KANK4: variants seen among roughly 807,000 people sequenced by gnomAD.
KANK4 encodes the protein KN motif and ankyrin repeat domains 4.
In KANK4, 50 loss-of-function variants were observed where a neutral mutation model predicts 80.8. The ratio of observed to expected loss-of-function variants is 0.62; its 90% CI spans 0.49 to 0.78. The LOEUF is 0.78. Among genes scored for constraint, KANK4 ranks in the 30% least tolerant of loss-of-function variants. The probability of loss-of-function intolerance (pLI) is 0.00; values close to 1 mark genes in which losing one functional copy is unlikely to be tolerated. For missense variants in KANK4, 1,196 were observed against 1,240.1 expected, an observed-to-expected ratio of 0.96 and a Z score of 0.53; for synonymous variants, 465 against 506.9, an observed-to-expected ratio of 0.92 and a Z score of 1.11.
chr1:62,301,180 G>A (rs548961152), intron 1 of KANK4, among the ~76,000 whole-genome samples: 6 of 152,128 alleles, frequency 3.9e-5, no homozygotes, highest in South Asian at 4.1e-4. Flanking sequence ...ACAGACTTAC[G>A]GAGCACAAGA....
Position 62,281,612 on chromosome 1 carries a change from G to A in KANK4, c.-48C>T. On this transcript the variant is annotated 5_prime_UTR_variant, in exon 2 of 10. Transcript: ENST00000371153. Reference sequence around the variant, plus strand: ...GTCTCAGGCACTCTTCATCCAATGAGTCTGTAAAACTTGTTGAAGGTTCTG... The same window carrying A: ...GTCTCAGGCACTCTTCATCCAATGAATCTGTAAAACTTGTTGAAGGTTCTG... 3.7e-6 allele frequency: 6 copies of A among 1,611,714 alleles called. No individual in the cohort carries two copies. The highest frequency in any genetic ancestry group is 5.1e-6 in the Non-Finnish European group (6 of 1,177,778).
At chr1:62,289,580 A>C (rs1051064701) in intron 1 of KANK4, among the ~76,000 whole-genome samples, 5 of 152,304 alleles carry the variant, frequency 3.3e-5, no homozygotes, top group Admixed American at 3.3e-4. Flanking sequence ...CAGTTTGTGC[A>C]TGTGCATAGG....
intron 2 of KANK4, 131 bp downstream of exon 2, chr1:62,281,418 C>A: frequency 9.2e-7 from 1 of 1,087,440 alleles, no homozygotes; most frequent in Non-Finnish European, 1.4e-6. Context: ...ATGCTTGAGC[C>A]TACCAGCACT....
At chr1:62,283,539 T>C (rs774550814) in intron 1 of KANK4, among the ~76,000 whole-genome samples, 21 of 152,198 alleles carry the variant, frequency 1.4e-4, no homozygotes, top group Admixed American at 3.9e-4. Context: ...TCCCTGACAC[T>C]ATGACTGATC....
At chr1:62,275,781 G>A (rs980367335) in intron 2 of KANK4, among the ~76,000 whole-genome samples, 6 of 140,602 alleles carry the variant, frequency 4.3e-5, no homozygotes, top group African/African-American at 1.6e-4. Flanking sequence ...CCCATGCCAA[G>A]TAAGGAAATA....
At chr1:62,260,010 C>G (rs562313699) in intron 7 of KANK4, among the ~76,000 whole-genome samples, 3 of 152,108 alleles carry the variant, frequency 2.0e-5, no homozygotes, top group African/African-American at 4.8e-5. Context: ...GTTAACTACC[C>G]CTTTCCAGTC....
At chr1:62,267,776 C>A (rs112203451) in intron 5 of KANK4, among the ~76,000 whole-genome samples, 34,077 of 145,622 alleles carry the variant, frequency 0.23, 4,631 homozygotes, top group Non-Finnish European at 0.31. Context: ...CACTCCAGCC[C>A]GGGTGACAGT....
rs541143733 is a variant in KANK4, at chr1:62,251,350, C to G, written c.2682+1717G>C. ...TCTGCCAGCATCCACAAAACTGTAG[C>G]AGGCTACCTTGTTAGCTTTAACGTG... On this transcript the variant is annotated intron_variant, in intron 8 of 9. Transcript: ENST00000371153. Among the ~76,000 whole-genome samples, 7 of 152,320 alleles carry G rather than the reference C, an allele frequency of 4.6e-5. No individual in the cohort carries two copies. In the South Asian group the frequency reaches 1.2e-3, roughly 27 times the overall value.
chr1:62,272,551 C>G (rs774640830), intron 3 of KANK4: 4 of 152,254 alleles, frequency 2.6e-5, no homozygotes, highest in Admixed American at 1.3e-4. Flanking sequence ...ACAGCCCCCT[C>G]TGGGTGGATG....
chr1:62,269,794 A>G (rs965645325), intron 4 of KANK4, among the ~76,000 whole-genome samples: 2 of 152,228 alleles, frequency 1.3e-5, no homozygotes, highest in African/African-American at 4.8e-5. Flanking sequence ...AATTTAAAAA[A>G]AAAGAGCCAT....
chr1:62,312,913 C>G (rs765693008), intron 1 of KANK4, among the ~76,000 whole-genome samples: 3 of 152,220 alleles, frequency 2.0e-5, no homozygotes, highest in Non-Finnish European at 4.4e-5. Context: ...TCCACGGTAT[C>G]AACTGCCTCA....
intron 1 of KANK4, among the ~76,000 whole-genome samples, chr1:62,307,990 C>T (rs975128626): frequency 2.0e-5 from 3 of 152,118 alleles, no homozygotes; most frequent in Non-Finnish European, 2.9e-5. Flanking sequence ...TCACACCTCA[C>T]CCCCTGCCTT....
At chr1:62,241,706 C>CA (rs1671345944) in intron 9 of KANK4, among the ~76,000 whole-genome samples, 1 of 152,162 alleles carries the variant, frequency 6.6e-6, no homozygotes, top group African/African-American at 2.4e-5. Context: ...TGGAACAAAA[C>CA]AAAGATTTTA....
In KANK4 at chr1:62,274,878, G is replaced by A. The variant is rs761523759; in HGVS notation, c.226C>T (p.Pro76Ser). ...FSTLPRNFSL[P>S]DSGARPPAAP... ...GCAGGGGGGCGAGCCCCACTGTCAG[G>A]AAGGCTGAAGTTTCGGGGCAGAGTG... Residue 76 changes from proline (P) to serine (S), a missense_variant, in exon 3 of 10, where the codon CCT (proline) becomes TCT (serine). Coordinates refer to ENST00000371153, the MANE Select transcript of KANK4 (RefSeq NM_181712.5). 5 of 1,614,180 alleles carry A rather than the reference G, an allele frequency of 3.1e-6. No homozygotes were observed. In the Admixed American group the frequency reaches 6.7e-5, roughly 22 times the overall value.
rs983991411 is a variant in KANK4 at position 62,274,561 on chromosome 1, G to C, written c.543C>G (p.Ser181Arg). The C allele has an allele frequency of 6.2e-7, 1 of 1,614,010 alleles. No individual in the cohort carries two copies. The highest frequency in any genetic ancestry group is 8.5e-7 in the Non-Finnish European group (1 of 1,179,906). Residue 181 changes from serine (S) to arginine (R), a missense_variant, in exon 3 of 10, where the codon AGC becomes AGG. Ser to Arg is a moderately radical substitution (Grantham distance 110, BLOSUM62 -1). Transcript: ENST00000371153. ...HSRASEEPGL[S>R]LGPPAPPALP... ...GGGCAGGAGGGGCAGGGGGCCCCAG[G>C]CTCAGGCCTGGCTCCTCAGAAGCCC...
chr1:62,252,256 T>C (rs751893365), intron 8 of KANK4, among the ~76,000 whole-genome samples: 1 of 152,234 alleles, frequency 6.6e-6, no homozygotes, highest in Non-Finnish European at 1.5e-5. Flanking sequence ...CCACGTGTCC[T>C]GAATCTCTGG....
chr1:62,262,152 A>G (rs1557478964), intron 7 of KANK4, among the ~76,000 whole-genome samples: 1 of 152,236 alleles, frequency 6.6e-6, no homozygotes, highest in East Asian at 1.9e-4. Flanking sequence ...TCTTCTGAAG[A>G]TGGGAAAATG....
Position 62,236,803 on chromosome 1 carries a change from T to A in KANK4, c.*1474A>T, listed in dbSNP as rs1034188478. ...TAGAGACGGGGTTTCTCCATGTATG[T>A]CAGGCTGGTCTCAAACTCCCGACCT... On this transcript the variant is annotated 3_prime_UTR_variant, in exon 10 of 10. Transcript: ENST00000371153. 6.6e-6 allele frequency among the ~76,000 whole-genome samples: 1 copy of A among 151,772 alleles called. No homozygotes were observed. The highest frequency in any genetic ancestry group is 2.4e-5 in the African/African-American group (1 of 41,310).
Position 62,317,729 on chromosome 1 carries a change from T to C in KANK4, c.-71+1377A>G, listed in dbSNP as rs150299877. ...CCTATCAGGTTTTCAGGGTATCTAG[T>C]CCTTTCAAAGAACTCAGCACTGGAG... On this transcript the variant is annotated intron_variant, in intron 1 of 9. Coordinates refer to ENST00000371153, the MANE Select transcript of KANK4 (RefSeq NM_181712.5). Among the ~76,000 whole-genome samples, 398 of 152,370 alleles carry C rather than the reference T, an allele frequency of 2.6e-3. 4 individuals carry two copies. The highest frequency in any genetic ancestry group is 0.014 in the East Asian group (74 of 5,184).
Sources: allele counts gnomAD v4.1 joint callset (sites outside exome capture counted in the v4.1 genomes callset), GRCh38; gene constraint gnomAD v4.1.1; transcripts MANE v1.5; gene names NCBI Gene and HGNC (gene_info 2026-07-23, HGNC 2026-07-21).